The following CLSTN2 variants were observed in gnomAD, a reference collection of about 807,000 sequenced individuals.
CLSTN2 encodes the protein calsyntenin-2.
In CLSTN2, 48 loss-of-function variants were observed where a neutral mutation model predicts 101.2. That is an observed-to-expected ratio of 0.47 (90% CI 0.38 to 0.60). CLSTN2 has a LOEUF of 0.60. Ranked by LOEUF, CLSTN2 falls within the 20% of genes least tolerant of loss-of-function variation. The probability of loss-of-function intolerance (pLI) is 0.00; values close to 1 mark genes in which losing one functional copy is unlikely to be tolerated. For missense variants in CLSTN2, 1,160 were observed against 1,238.2 expected, an observed-to-expected ratio of 0.94 and a Z score of 0.95; for synonymous variants, 481 against 463.6, an observed-to-expected ratio of 1.04 and a Z score of -0.48.
intron 1 of CLSTN2, among the ~76,000 whole-genome samples, chr3:140,134,918 A>G (rs945603487): frequency 6.6e-6 from 1 of 151,858 alleles, no homozygotes; most frequent in East Asian, 1.9e-4. Flanking sequence ...TTGTTAAAAG[A>G]AGGTTGGAAA....
At chr3:140,264,102 G>T (rs1425915760) in intron 2 of CLSTN2, among the ~76,000 whole-genome samples, 1 of 152,040 alleles carries the variant, frequency 6.6e-6, no homozygotes, top group East Asian at 1.9e-4. Flanking sequence ...GGTCAAACGA[G>T]GTGATGCTCT....
At chr3:140,515,210 G>T (rs1381888484) in intron 8 of CLSTN2, among the ~76,000 whole-genome samples, 8 of 152,028 alleles carry the variant, frequency 5.3e-5, no homozygotes. Context: ...TGTGGCATTG[G>T]TTGTAATACC....
At chr3:140,273,119 A>G (rs1192490858) in intron 2 of CLSTN2, among the ~76,000 whole-genome samples, 1 of 152,140 alleles carries the variant, frequency 6.6e-6, no homozygotes, top group African/African-American at 2.4e-5. Flanking sequence ...CACCCTAGGA[A>G]TAAAAAACTT....
intron 2 of CLSTN2, among the ~76,000 whole-genome samples, chr3:140,249,611 G>T (rs1576484146): frequency 1.3e-5 from 2 of 152,228 alleles, no homozygotes; most frequent in South Asian, 4.1e-4. Flanking sequence ...CAACTCTATG[G>T]CATTATTATC....
At chr3:139,951,061 T>C (rs1174777863) in intron 1 of CLSTN2, among the ~76,000 whole-genome samples, 1 of 152,080 alleles carries the variant, frequency 6.6e-6, no homozygotes, top group Non-Finnish European at 1.5e-5. Flanking sequence ...AAGCTCAGGG[T>C]TTATCAAAGC....
At chr3:140,237,924 TA>T (rs1210991801) in intron 2 of CLSTN2, among the ~76,000 whole-genome samples, 3 of 152,204 alleles carry the variant, frequency 2.0e-5, no homozygotes, top group Non-Finnish European at 4.4e-5. Context: ...TTTGAAGTCA[TA>T]ATCTCAACTT....
At chr3:139,945,050 A>C (rs1935195421) in intron 1 of CLSTN2, among the ~76,000 whole-genome samples, 1 of 151,996 alleles carries the variant, frequency 6.6e-6, no homozygotes. Flanking sequence ...TCACTGCATC[A>C]AATTGTCATG....
rs570394336 is a variant in CLSTN2, at chr3:140,500,838, G to T, written c.1345-31486G>T. Among the ~76,000 whole-genome samples the T allele has an allele frequency of 1.6e-4, 24 of 152,222 alleles. No individual in the cohort carries two copies. The South Asian group carries it at 3.7e-3, about 24-fold the overall frequency. Reference sequence around the variant, plus strand: ...AATAATAAAGTATTATTTTATTAATGGAAAATGATTAGTGCTGTTGCCATT... The same window carrying T: ...AATAATAAAGTATTATTTTATTAATTGAAAATGATTAGTGCTGTTGCCATT... On this transcript the variant is annotated intron_variant, in intron 8 of 16. Coordinates refer to ENST00000458420, the MANE Select transcript of CLSTN2 (RefSeq NM_022131.3).
At chr3:140,551,527 G>A (rs1435684604) in intron 10 of CLSTN2, among the ~76,000 whole-genome samples, 2 of 151,996 alleles carry the variant, frequency 1.3e-5, no homozygotes, top group Non-Finnish European at 2.9e-5. Flanking sequence ...GAGTGGGAAA[G>A]AGCAAGAACT....
chr3:139,967,378 C>T (rs561144721), intron 1 of CLSTN2, among the ~76,000 whole-genome samples: 1 of 152,212 alleles, frequency 6.6e-6, no homozygotes, highest in Non-Finnish European at 1.5e-5. Context: ...TTCTATCATA[C>T]TTCTGGGCAT....
At chr3:140,464,125 G>A (rs1369897322) in intron 7 of CLSTN2, among the ~76,000 whole-genome samples, 1 of 152,132 alleles carries the variant, frequency 6.6e-6, no homozygotes, top group Non-Finnish European at 1.5e-5. Context: ...AACTCTACTG[G>A]CTTTTTAAAG....
At chr3:140,547,391 T>C (rs1368899140) in intron 10 of CLSTN2, among the ~76,000 whole-genome samples, 1 of 151,850 alleles carries the variant, frequency 6.6e-6, no homozygotes, top group African/African-American at 2.4e-5. Flanking sequence ...GGAGAATCAT[T>C]TGAACCCAGG....
At chr3:140,298,558 C>A (rs2087025220) in intron 2 of CLSTN2, among the ~76,000 whole-genome samples, 1 of 152,142 alleles carries the variant, frequency 6.6e-6, no homozygotes, top group Admixed American at 6.5e-5. Context: ...TGTCTGGCAG[C>A]CTGAGCAGGG....
At chr3:140,022,151 G>A (rs1183731010) in intron 1 of CLSTN2, among the ~76,000 whole-genome samples, 1 of 152,242 alleles carries the variant, frequency 6.6e-6, no homozygotes, top group African/African-American at 2.4e-5. Context: ...GCCCCAGAGG[G>A]CTCTGAAGGA....
chr3:140,288,746 T>C (rs967861), intron 2 of CLSTN2, among the ~76,000 whole-genome samples: 84,229 of 152,044 alleles, frequency 0.55, 24,086 homozygotes, highest in East Asian at 0.96. Context: ...TAACAATTTC[T>C]GAGGGATTTA....
At chr3:140,332,158 G>A (rs2087389166) in intron 2 of CLSTN2, among the ~76,000 whole-genome samples, 1 of 152,210 alleles carries the variant, frequency 6.6e-6, no homozygotes, top group Non-Finnish European at 1.5e-5. Flanking sequence ...GGCAGTGACA[G>A]ATGATTACCT....
intron 2 of CLSTN2, among the ~76,000 whole-genome samples, chr3:140,226,649 G>A (rs902784740): frequency 6.6e-6 from 1 of 152,122 alleles, no homozygotes; most frequent in Non-Finnish European, 1.5e-5. Context: ...TAATGGAACA[G>A]GACCTAAACT....
At chr3:140,536,274 C>G (rs1175977330) in intron 9 of CLSTN2, among the ~76,000 whole-genome samples, 1 of 151,888 alleles carries the variant, frequency 6.6e-6, no homozygotes, top group East Asian at 1.9e-4. Context: ...GGACTAGATG[C>G]TAGGCACATC....
At chr3:140,391,580 C>T (rs1016656526) in intron 2 of CLSTN2, among the ~76,000 whole-genome samples, 8 of 152,010 alleles carry the variant, frequency 5.3e-5, no homozygotes, top group Admixed American at 1.3e-4. Flanking sequence ...AGAATATTAA[C>T]ATGATATGAT....
Sources: gnomAD v4.1 joint callset for allele counts (sites outside exome capture counted in the v4.1 genomes callset) on GRCh38, gnomAD v4.1.1 for gene constraint, MANE v1.5 for transcripts, NCBI Gene and HGNC (gene_info 2026-07-23, HGNC 2026-07-21) for gene names.